The following DDX24 variants were observed in gnomAD, a reference collection of about 807,000 sequenced individuals.
DDX24 encodes the protein ATP-dependent RNA helicase DDX24.
In DDX24, 24 loss-of-function variants were observed where a neutral mutation model predicts 68.9. The observed-to-expected ratio is 0.35, with a 90% CI of 0.25 to 0.49. DDX24 has a LOEUF of 0.49. Ranked by LOEUF, DDX24 falls within the 20% of genes least tolerant of loss-of-function variation. The pLI is 0.99. For missense variants in DDX24, 989 were observed against 1,039.0 expected, an observed-to-expected ratio of 0.95 and a Z score of 0.66; for synonymous variants, 395 against 385.2, an observed-to-expected ratio of 1.03 and a Z score of -0.30.
At chr14:94,069,880 T>C (rs1251902649) in intron 2 of DDX24, among the ~76,000 whole-genome samples, 1 of 152,150 alleles carries the variant, frequency 6.6e-6, no homozygotes, top group Non-Finnish European at 1.5e-5. Flanking sequence ...AAGCCTTCTA[T>C]GACAAACCCA....
rs1237225629 is a variant in DDX24, at chr14:94,060,215, C to T, written c.1796G>A (p.Cys599Tyr). 2 of 1,614,014 alleles carry T rather than the reference C, an allele frequency of 1.2e-6. No individual in the cohort carries two copies. The highest frequency in any genetic ancestry group is 1.7e-6 in the Non-Finnish European group (2 of 1,180,034). Residue 599 changes from cysteine to tyrosine, a missense_variant, in exon 5 of 9, where the codon TGC becomes TAC. Cys to Tyr is a radical substitution (Grantham distance 194). Transcript: ENST00000621632. ...GAGGAGCCCAGAGAGGCGTTTGATG[C>T]AGGAGATACTGTTGGCAAACACTAA... ...RSLVFANSIS[C>Y]IKRLSGLLKV... is the part of the protein sequence containing the mutation.
At chr14:94,060,885 G>A (rs372826860) in intron 4 of DDX24, 28 bp downstream of exon 4, 1 of 1,612,000 alleles carries the variant, frequency 6.2e-7, no homozygotes, top group Non-Finnish European at 8.5e-7. Context: ...AAGGCAGTGA[G>A]GGGGAAAAGA....
At chr14:94,064,013 T>C (rs1885647723) in intron 2 of DDX24, among the ~76,000 whole-genome samples, 1 of 152,152 alleles carries the variant, frequency 6.6e-6, no homozygotes, top group Admixed American at 6.5e-5. Context: ...CTAACACATA[T>C]GAAGTATACA....
chr14:94,070,101 T>G (rs928420340), intron 2 of DDX24, among the ~76,000 whole-genome samples: 2 of 152,090 alleles, frequency 1.3e-5, no homozygotes, highest in Non-Finnish European at 2.9e-5. Context: ...ATATGATCAT[T>G]TACCTTGAAA....
chr14:94,074,001 C>G (rs1041776003), intron 2 of DDX24, among the ~76,000 whole-genome samples: 1 of 150,466 alleles, frequency 6.6e-6, no homozygotes, highest in African/African-American at 2.5e-5. Context: ...TGAGATCGCA[C>G]CACTGCACTC....
chr14:94,070,824 T>C (rs1275592048), intron 2 of DDX24, among the ~76,000 whole-genome samples: 1 of 152,212 alleles, frequency 6.6e-6, no homozygotes. Flanking sequence ...AGAATGAAAC[T>C]GGATCCTCAT....
rs566752233 is a variant in DDX24, at chr14:94,076,479, G to T, written c.718+2546C>A. On this transcript the variant is annotated intron_variant, in intron 2 of 8. Transcript: ENST00000621632. The stretch of plus-strand genomic sequence containing the variant: ...AGGCAGGTCATGAGGGCAGGAGTTT[G>T]CGACCAGCCTGACCAACATAGTGAA... 1.4e-4 allele frequency among the ~76,000 whole-genome samples: 22 copies of T among 152,158 alleles called. No homozygotes were observed. In the South Asian group the frequency reaches 3.9e-3, roughly 27 times the overall value.
chr14:94,078,127 T>G (rs1885983207), intron 2 of DDX24, among the ~76,000 whole-genome samples: 1 of 152,192 alleles, frequency 6.6e-6, no homozygotes, highest in African/African-American at 2.4e-5. Flanking sequence ...AGACCTATGT[T>G]GTATGAGATA....
At chr14:94,072,180 A>G (rs1885845672) in intron 2 of DDX24, among the ~76,000 whole-genome samples, 1 of 152,228 alleles carries the variant, frequency 6.6e-6, no homozygotes, top group Non-Finnish European at 1.5e-5. Context: ...ACAATTCACA[A>G]CTGCAAAATC....
chr14:94,060,760 C>G, intron 4 of DDX24, 147 bp from the exon 5 acceptor site: 1 of 1,451,468 alleles, frequency 6.9e-7, no homozygotes, highest in Non-Finnish European at 9.3e-7. Context: ...CAACTAATCT[C>G]CCTCATGCAC....
intron 2 of DDX24, among the ~76,000 whole-genome samples, chr14:94,073,062 C>G (rs965245056): frequency 6.7e-6 from 1 of 149,908 alleles, no homozygotes; most frequent in South Asian, 2.1e-4. Context: ...TAAATAATCT[C>G]AGTAACTCAA....
rs967455235 is a variant in DDX24, at chr14:94,079,309, T to C, written c.434A>G (p.Glu145Gly). 1.9e-6 allele frequency: 3 copies of C among 1,614,078 alleles called. No homozygotes were observed. The African/African-American group carries it at 4.0e-5, about 22-fold the overall frequency. The change falls in exon 2 of 9, where the codon GAA (glutamate) becomes GGA (glycine). Residue 145 changes from glutamate to glycine, a missense_variant. Physicochemically the swap from Glu to Gly is moderately conservative, Grantham distance 98. This residue lies in a region of DDX24 where 295 missense variants were observed against 263.0 expected (regional missense o/e 1.12). Coordinates refer to ENST00000621632, the MANE Select transcript of DDX24 (RefSeq NM_020414.4). ...DDPEAGEMTS[E>G]NLVQTAPKKK... ...TTTTGGAGCAGTTTGGACCAGGTTT[T>C]CTGATGTCATCTCCCCAGCCTCCGG...
chr14:94,075,674 TAAAG>T (rs1885923528), intron 2 of DDX24, among the ~76,000 whole-genome samples: 3 of 152,130 alleles, frequency 2.0e-5, no homozygotes, highest in Admixed American at 2.0e-4. Context: ...TTCATCAAAA[TAAAG>T]ACTTTCTGCT....
intron 4 of DDX24, 55 bp downstream of exon 4, chr14:94,060,858 T>C: frequency 6.2e-7 from 1 of 1,601,842 alleles, no homozygotes; most frequent in Non-Finnish European, 8.5e-7. Flanking sequence ...CCATGTCACC[T>C]AAGGCTCATT....
At chr14:94,075,146 G>C (rs1032164066) in intron 2 of DDX24, among the ~76,000 whole-genome samples, 4 of 152,100 alleles carry the variant, frequency 2.6e-5, no homozygotes, top group African/African-American at 7.2e-5. Flanking sequence ...TGTAGAAACT[G>C]ATATAACGGA....
Position 94,057,652 on chromosome 14 carries a change from C to T in DDX24, c.1989+170G>A, listed in dbSNP as rs187444971. Reference sequence around the variant, plus strand: ...GAGACAAAGCAAGGTTTTCTGGAGACCAAATCTCAGCAGTGTTGCAAAAGT... The same window carrying T: ...GAGACAAAGCAAGGTTTTCTGGAGATCAAATCTCAGCAGTGTTGCAAAAGT... On this transcript the variant is annotated intron_variant, in intron 6 of 8. Coordinates refer to ENST00000621632, the MANE Select transcript of DDX24 (RefSeq NM_020414.4). 1.2e-5 allele frequency: 7 copies of T among 578,012 alleles called. No homozygotes were observed. In the Admixed American group the frequency reaches 2.5e-4, roughly 21 times the overall value. The allele number at this position is 578,012 out of a possible 1,614,324, so 35.8% of individuals were successfully genotyped here.
intron 7 of DDX24, among the ~76,000 whole-genome samples, chr14:94,054,678 C>A (rs1052573116): frequency 5.9e-5 from 9 of 152,198 alleles, no homozygotes; most frequent in African/African-American, 2.2e-4. Flanking sequence ...GAAACACTAA[C>A]CACACTGTCT....
At chr14:94,056,852 C>G (rs368207106) in intron 6 of DDX24, 1 of 152,158 alleles carries the variant, frequency 6.6e-6, no homozygotes, top group Admixed American at 6.5e-5. Flanking sequence ...AACGCCCACA[C>G]ATTTGGTTAC....
intron 2 of DDX24, among the ~76,000 whole-genome samples, chr14:94,078,774 G>A (rs1472155103): frequency 1.3e-5 from 2 of 152,190 alleles, no homozygotes; most frequent in Non-Finnish European, 2.9e-5. Context: ...CAATGCAAGA[G>A]GTAGAAACTG....
Sources: gnomAD v4.1 joint callset for allele counts (sites outside exome capture counted in the v4.1 genomes callset) on GRCh38, gnomAD v4.1.1 for gene constraint, gnomAD v4.1.1 regional missense constraint, MANE v1.5 for transcripts, NCBI Gene and HGNC (gene_info 2026-07-23, HGNC 2026-07-21) for gene names.